MARCHF1: variants seen among roughly 807,000 people sequenced by gnomAD.
MARCHF1 encodes E3 ubiquitin-protein ligase MARCHF1.
Under a neutral mutation model 54.2 loss-of-function variants are expected in MARCHF1, and 40 were observed. The ratio of observed to expected loss-of-function variants is 0.74; its 90% CI spans 0.57 to 0.96. The LOEUF (loss-of-function observed/expected upper bound fraction) is 0.96, where lower values mean the gene tolerates loss of function less well. Ranked by LOEUF, MARCHF1 falls within the 40% of genes least tolerant of loss-of-function variation. The probability of loss-of-function intolerance (pLI) is 0.00; values close to 1 mark genes in which losing one functional copy is unlikely to be tolerated. For synonymous variants in MARCHF1, 236 were observed against 236.3 expected, an observed-to-expected ratio of 1.00 and a Z score of 0.01; for missense variants, 586 against 656.5, an observed-to-expected ratio of 0.89 and a Z score of 1.17.
At chr4:163,802,060 A>C (rs1748097559) in intron 4 of MARCHF1, among the ~76,000 whole-genome samples, 1 of 152,110 alleles carries the variant, frequency 6.6e-6, no homozygotes, top group Admixed American at 6.6e-5. Context: ...TTGAAGCATC[A>C]ATGATAGTTC....
chr4:163,839,497 T>C (rs1245247956), intron 4 of MARCHF1, among the ~76,000 whole-genome samples: 1 of 152,094 alleles, frequency 6.6e-6, no homozygotes, highest in Non-Finnish European at 1.5e-5. Context: ...TAAAATAGGT[T>C]GTATTCATAC....
intron 4 of MARCHF1, among the ~76,000 whole-genome samples, chr4:163,703,475 T>A (rs2111236712): frequency 6.6e-6 from 1 of 152,274 alleles, no homozygotes; most frequent in East Asian, 1.9e-4. Context: ...AATGTCATAC[T>A]CTTCTTTGAA....
intron 4 of MARCHF1, among the ~76,000 whole-genome samples, chr4:163,776,479 G>A (rs1329844106): frequency 8.6e-5 from 13 of 151,892 alleles, no homozygotes; most frequent in Admixed American, 8.5e-4. Context: ...TTCATAAAAT[G>A]TTCATCCAAG....
rs1738120285 is a variant in MARCHF1, at chr4:163,526,756, A to C, written c.*1992T>G. On this transcript the variant is annotated 3_prime_UTR_variant, in exon 10 of 10. Coordinates refer to ENST00000514618, the MANE Select transcript of MARCHF1 (RefSeq NM_001394959.1). ...CCCTGTGCTTATAACAAGTTTTAAG[A>C]AAGATGAGTTTTAAACCTTTTGTTT... The C allele has an allele frequency of 1.3e-5, 2 of 152,086 alleles. No individual in the cohort carries two copies. Among genetic ancestry groups the C allele is most frequent in the South Asian group, 4.1e-4 (2 of 4,824 alleles). 9.4% of individuals were successfully genotyped at this position (152,086 alleles called of 1,614,324 possible).
At chr4:163,756,571 G>A (rs567105482) in intron 4 of MARCHF1, among the ~76,000 whole-genome samples, 2 of 139,222 alleles carry the variant, frequency 1.4e-5, no homozygotes, top group East Asian at 2.3e-4. Context: ...GGCAGAGGTT[G>A]CAGTGAGCCG....
At chr4:164,200,621 C>T (rs1731426041) in intron 1 of MARCHF1, among the ~76,000 whole-genome samples, 2 of 152,048 alleles carry the variant, frequency 1.3e-5, no homozygotes, top group South Asian at 2.1e-4. Flanking sequence ...ATACATTTAA[C>T]GATTTATTCT....
chr4:163,553,951 T>C (rs75059772), intron 8 of MARCHF1, among the ~76,000 whole-genome samples: 6,033 of 152,304 alleles, frequency 0.04, 180 homozygotes, highest in Non-Finnish European at 0.064. Context: ...AAAATGGCTC[T>C]TTTCCTCAAA....
intron 1 of MARCHF1, among the ~76,000 whole-genome samples, chr4:164,114,289 C>A (rs1192034367): frequency 6.6e-6 from 1 of 151,690 alleles, no homozygotes; most frequent in Non-Finnish European, 1.5e-5. Flanking sequence ...TGACTTAATG[C>A]ACTGGTTATA....
chr4:164,051,816 C>T lies in MARCHF1; in HGVS notation c.-248+59772G>A, dbSNP rs372996061. 6.3e-4 allele frequency among the ~76,000 whole-genome samples: 96 copies of T among 152,272 alleles called. 1 individual carries two copies. Among genetic ancestry groups the T allele is most frequent in the East Asian group, 2.7e-3 (14 of 5,178 alleles). ...ACTACAGAAGTCTTTAGAGTTAGCACAGAATAGATAGAGATTTAACCGGAT... is the reference window on the plus strand; with the variant it reads ...ACTACAGAAGTCTTTAGAGTTAGCATAGAATAGATAGAGATTTAACCGGAT... On this transcript the variant is annotated intron_variant, in intron 2 of 9. Transcript: ENST00000514618.
At chr4:164,053,116 G>T (rs1339637397) in intron 2 of MARCHF1, among the ~76,000 whole-genome samples, 2 of 152,100 alleles carry the variant, frequency 1.3e-5, no homozygotes, top group Non-Finnish European at 2.9e-5. Flanking sequence ...TATTGGGGGA[G>T]CATATTGATT....
intron 1 of MARCHF1, among the ~76,000 whole-genome samples, chr4:164,313,182 C>A (rs193198167): frequency 1.5e-3 from 180 of 119,178 alleles, no homozygotes; most frequent in Non-Finnish European, 1.6e-3. Context: ...ACTAAAAATA[C>A]AAAAAAAAAA....
chr4:163,803,421 C>T (rs1748137713), intron 4 of MARCHF1, among the ~76,000 whole-genome samples: 1 of 152,190 alleles, frequency 6.6e-6, no homozygotes, highest in Non-Finnish European at 1.5e-5. Context: ...GATCCGCCCA[C>T]CGGGGCCTCC....
chr4:163,926,937 C>G (rs1334357447), intron 3 of MARCHF1, among the ~76,000 whole-genome samples: 1 of 151,436 alleles, frequency 6.6e-6, no homozygotes. Flanking sequence ...TGTCATAGAA[C>G]AGCTAAATAT....
At chr4:164,189,137 G>C (rs12186277) in intron 1 of MARCHF1, 389,024 of 621,560 alleles carry the variant, frequency 0.63, 132,604 homozygotes, top group Non-Finnish European at 0.75. Context: ...ACTCATCTGC[G>C]TGCAGAAGAC....
chr4:163,702,857 G>A (rs543691412), intron 4 of MARCHF1, among the ~76,000 whole-genome samples: 13 of 152,248 alleles, frequency 8.5e-5, no homozygotes, highest in Non-Finnish European at 1.2e-4. Flanking sequence ...CCACGGCTAC[G>A]TTCTCTATTG....
intron 1 of MARCHF1, among the ~76,000 whole-genome samples, chr4:164,219,536 T>C (rs947257692): frequency 1.3e-5 from 2 of 152,088 alleles, no homozygotes; most frequent in Non-Finnish European, 1.5e-5. Context: ...TTTTTCTCTT[T>C]GTGAACTTCA....
chr4:163,816,035 C>G (rs1181758211), intron 4 of MARCHF1, among the ~76,000 whole-genome samples: 1 of 152,082 alleles, frequency 6.6e-6, no homozygotes, highest in Non-Finnish European at 1.5e-5. Flanking sequence ...TATGGGTTAC[C>G]AGAAATTACT....
chr4:163,835,688 C>T (rs1010528755), intron 4 of MARCHF1, among the ~76,000 whole-genome samples: 2 of 152,124 alleles, frequency 1.3e-5, no homozygotes, highest in Non-Finnish European at 2.9e-5. Flanking sequence ...ATTCGCGAAT[C>T]GTTCATTGTT....
At chr4:163,739,232 T>C (rs1746129233) in intron 4 of MARCHF1, among the ~76,000 whole-genome samples, 1 of 152,194 alleles carries the variant, frequency 6.6e-6, no homozygotes, top group Non-Finnish European at 1.5e-5. Context: ...TTTTATACTC[T>C]TCCTCCCAAG....
Sources: gnomAD v4.1 joint callset for allele counts (sites outside exome capture counted in the v4.1 genomes callset) on GRCh38, gnomAD v4.1.1 for gene constraint, MANE v1.5 for transcripts, NCBI Gene and HGNC (gene_info 2026-07-23, HGNC 2026-07-21) for gene names.